Variants in SLC2A13 observed in about 807,000 individuals in gnomAD.
SLC2A13 encodes the protein proton myo-inositol cotransporter.
In SLC2A13, 32 loss-of-function variants were observed where a neutral mutation model predicts 64.4. The observed-to-expected ratio is 0.50, with a 90% CI of 0.37 to 0.67. The LOEUF (loss-of-function observed/expected upper bound fraction) is 0.67, where lower values mean the gene tolerates loss of function less well. Ranked by LOEUF, SLC2A13 falls within the 30% of genes least tolerant of loss-of-function variation. The pLI, the probability that SLC2A13 is intolerant of heterozygous loss-of-function variation, is 0.00. For missense variants in SLC2A13, 743 were observed against 829.2 expected, an observed-to-expected ratio of 0.90 and a Z score of 1.28; for synonymous variants, 338 against 327.1, an observed-to-expected ratio of 1.03 and a Z score of -0.36.
chr12:40,089,617 C>T (rs1280149252), intron 1 of SLC2A13, among the ~76,000 whole-genome samples: 5 of 152,128 alleles, frequency 3.3e-5, no homozygotes, highest in Admixed American at 3.3e-4. Context: ...TTACACTGAC[C>T]GCCTCCCTGT....
intron 3 of SLC2A13, among the ~76,000 whole-genome samples, chr12:39,980,850 C>G (rs1382361580): frequency 6.6e-6 from 1 of 151,942 alleles, no homozygotes; most frequent in East Asian, 1.9e-4. Flanking sequence ...GAACTCTCCA[C>G]CCCAAATCAA....
intron 4 of SLC2A13, among the ~76,000 whole-genome samples, chr12:39,880,474 T>C (rs1392504349): frequency 6.6e-6 from 1 of 152,156 alleles, no homozygotes; most frequent in African/African-American, 2.4e-5. Context: ...GAAATCACAA[T>C]TGCACATATT....
At chr12:39,953,013 A>T (rs1428179514) in intron 3 of SLC2A13, among the ~76,000 whole-genome samples, 2 of 152,166 alleles carry the variant, frequency 1.3e-5, no homozygotes, top group East Asian at 3.8e-4. Flanking sequence ...AAAAGACAAC[A>T]AAACAAAAAC....
intron 1 of SLC2A13, among the ~76,000 whole-genome samples, chr12:40,083,070 A>G (rs1267199036): frequency 6.6e-6 from 1 of 152,140 alleles, no homozygotes; most frequent in Non-Finnish European, 1.5e-5. Context: ...CTTGTTAAAT[A>G]GCAATTTTCA....
chr12:39,787,920 T>C (rs1022624539), intron 7 of SLC2A13, among the ~76,000 whole-genome samples: 4 of 152,188 alleles, frequency 2.6e-5, no homozygotes, highest in African/African-American at 9.6e-5. Context: ...AGCAGTATTG[T>C]CACCTACAAA....
chr12:39,810,156 A>G (rs1942108435), intron 7 of SLC2A13, among the ~76,000 whole-genome samples: 1 of 152,196 alleles, frequency 6.6e-6, no homozygotes, highest in African/African-American at 2.4e-5. Context: ...CATCTTAACC[A>G]TATTAAGTCT....
chr12:40,087,324 T>C (rs1373796652), intron 1 of SLC2A13, among the ~76,000 whole-genome samples: 1 of 152,198 alleles, frequency 6.6e-6, no homozygotes, highest in African/African-American at 2.4e-5. Flanking sequence ...TCTTAGTCTT[T>C]CTCTCCCTCT....
intron 3 of SLC2A13, among the ~76,000 whole-genome samples, chr12:40,002,660 G>C (rs1305409970): frequency 6.6e-6 from 1 of 152,156 alleles, no homozygotes; most frequent in East Asian, 1.9e-4. Flanking sequence ...AGGTCCTTGA[G>C]ACTCTGAGAA....
chr12:40,076,542 T>C (rs560891180), intron 1 of SLC2A13, among the ~76,000 whole-genome samples: 8 of 152,328 alleles, frequency 5.3e-5, no homozygotes, highest in East Asian at 3.9e-4. Flanking sequence ...ATTTTCTTTA[T>C]CCAGTCCACC....
chr12:39,874,885 T>C (rs944855749), intron 4 of SLC2A13, among the ~76,000 whole-genome samples: 2 of 152,212 alleles, frequency 1.3e-5, no homozygotes, highest in Admixed American at 1.3e-4. Flanking sequence ...CAAATCATTA[T>C]ACTGGCAACA....
intron 5 of SLC2A13, among the ~76,000 whole-genome samples, chr12:39,869,519 T>C (rs913129020): frequency 6.6e-6 from 1 of 152,208 alleles, no homozygotes; most frequent in African/African-American, 2.4e-5. Context: ...AAGGAATCAC[T>C]GTACAGTGTT....
intron 7 of SLC2A13, 104 bp downstream of exon 7, chr12:39,829,998 GC>G: frequency 7.3e-7 from 1 of 1,372,518 alleles, no homozygotes; most frequent in Non-Finnish European, 1.0e-6. Context: ...AGTTATGAAG[GC>G]CAGTTTAAAA....
chr12:39,881,560 A>G (rs911945736), intron 4 of SLC2A13, among the ~76,000 whole-genome samples: 2 of 152,122 alleles, frequency 1.3e-5, no homozygotes, highest in Non-Finnish European at 2.9e-5. Context: ...CAGATCACCT[A>G]TTTATACCTG....
chr12:39,891,120 C>CTT (rs71075093), intron 4 of SLC2A13, among the ~76,000 whole-genome samples: 8 of 145,802 alleles, frequency 5.5e-5, no homozygotes, highest in African/African-American at 1.8e-4. Flanking sequence ...TCAAATATAC[C>CTT]TTTTTTTTTT....
chr12:40,048,563 A>G (rs955404859), intron 1 of SLC2A13, among the ~76,000 whole-genome samples: 3 of 152,224 alleles, frequency 2.0e-5, no homozygotes, highest in African/African-American at 7.2e-5. Context: ...AAATATTTTT[A>G]GTCTATATGG....
intron 1 of SLC2A13, among the ~76,000 whole-genome samples, chr12:40,066,874 C>G (rs1937747374): frequency 6.6e-6 from 1 of 152,010 alleles, no homozygotes; most frequent in African/African-American, 2.4e-5. Context: ...TCAAAGTTGA[C>G]AAAAAGCTTT....
At chr12:39,880,195 G>A (rs76567435) in intron 4 of SLC2A13, among the ~76,000 whole-genome samples, 7,638 of 152,190 alleles carry the variant, frequency 0.05, 262 homozygotes, top group Non-Finnish European at 0.074. Flanking sequence ...AGAACCATAA[G>A]CCAAGTAAAT....
chr12:39,842,649 A>G (rs1236587126), intron 6 of SLC2A13, among the ~76,000 whole-genome samples: 5 of 152,076 alleles, frequency 3.3e-5, no homozygotes, highest in Admixed American at 2.0e-4. Context: ...TATAAAATTT[A>G]CCATTTTAAC....
intron 6 of SLC2A13, among the ~76,000 whole-genome samples, chr12:39,859,074 GGACTAA>G (rs1943685037): frequency 6.6e-6 from 1 of 152,006 alleles, no homozygotes; most frequent in African/African-American, 2.4e-5. Context: ...AACTTTGAAG[GGACTAA>G]TTTATGAGGG....
Sources: allele counts gnomAD v4.1 joint callset (sites outside exome capture counted in the v4.1 genomes callset), GRCh38; gene constraint gnomAD v4.1.1; transcripts MANE v1.5; gene names NCBI Gene and HGNC (gene_info 2026-07-23, HGNC 2026-07-21).